Variants in EXOC4 observed in about 807,000 individuals in gnomAD.
EXOC4 encodes the protein exocyst complex component 4.
EXOC4 carries 71 observed loss-of-function variants against 107.2 expected under a neutral mutation model. The ratio of observed to expected loss-of-function variants is 0.66; its 90% CI spans 0.55 to 0.81. The LOEUF (loss-of-function observed/expected upper bound fraction) is 0.81, where lower values mean the gene tolerates loss of function less well. EXOC4 is among the 30% of genes least tolerant of loss of function. The pLI, the probability that EXOC4 is intolerant of heterozygous loss-of-function variation, is 0.00. For synonymous variants in EXOC4, 456 were observed against 441.2 expected (o/e 1.03, Z -0.42); for missense variants, 1,108 against 1,189.6 (o/e 0.93, Z 1.01).
intron 11 of EXOC4, among the ~76,000 whole-genome samples, chr7:133,841,100 G>A (rs1292277895): frequency 1.3e-5 from 2 of 152,086 alleles, no homozygotes; most frequent in African/African-American, 4.8e-5. Flanking sequence ...GTCTGATGAG[G>A]GCCTATATTC....
chr7:133,310,436 TGCTGATGAG>T (rs1794846166), intron 4 of EXOC4, among the ~76,000 whole-genome samples: 3 of 152,216 alleles, frequency 2.0e-5, no homozygotes, highest in African/African-American at 7.2e-5. Context: ...CAAGGTCCTC[TGCTGATGAG>T]AGAAAAAAAA....
chr7:133,296,793 A>T (rs1286998569), intron 3 of EXOC4, among the ~76,000 whole-genome samples: 1 of 152,042 alleles, frequency 6.6e-6, no homozygotes, highest in East Asian at 1.9e-4. Flanking sequence ...AGGTTCAGCA[A>T]TTTCCATTTG....
chr7:133,907,058 C>A (rs1799583429), intron 12 of EXOC4, among the ~76,000 whole-genome samples: 1 of 152,140 alleles, frequency 6.6e-6, no homozygotes, highest in African/African-American at 2.4e-5. Context: ...GAGCAAGGAC[C>A]CCCTGGTAAC....
intron 3 of EXOC4, among the ~76,000 whole-genome samples, chr7:133,294,373 G>T (rs1175279339): frequency 5.3e-5 from 8 of 152,076 alleles, no homozygotes; most frequent in Non-Finnish European, 1.2e-4. Context: ...TCCCATAGAA[G>T]TCAATTCATA....
rs1487572847 is a variant in EXOC4, at chr7:133,550,138, A to C, written c.1417+70000A>C. ...TTCATTAGGTATTAAACAGCCCTAC[A>C]CTGGCAGGGAGAGGTGTTACGTAGG... On this transcript the variant is annotated intron_variant, in intron 9 of 17. Transcript: ENST00000253861. 2.6e-5 allele frequency among the ~76,000 whole-genome samples: 4 copies of C among 152,154 alleles called. No homozygotes were observed. In the East Asian group the frequency reaches 7.7e-4, roughly 29 times the overall value.
chr7:133,323,403 C>T (rs547294029), intron 5 of EXOC4, among the ~76,000 whole-genome samples: 64 of 152,070 alleles, frequency 4.2e-4, no homozygotes, highest in Admixed American at 9.2e-4. Flanking sequence ...CCTAGTTTAT[C>T]GAGAGTTTTT....
At chr7:134,036,412 A>T (rs1026813097) in intron 17 of EXOC4, among the ~76,000 whole-genome samples, 1 of 152,132 alleles carries the variant, frequency 6.6e-6, no homozygotes, top group East Asian at 1.9e-4. Context: ...ATATGAGGAA[A>T]CCCCATCTCT....
chr7:134,100,425 C>T, the EXOC4 span, among the ~76,000 whole-genome samples: 1 of 128,740 alleles, frequency 7.8e-6, no homozygotes, highest in Non-Finnish European at 1.7e-5. Flanking sequence ...TACTTGGTTA[C>T]AGCAGCCCTG....
intron 10 of EXOC4, among the ~76,000 whole-genome samples, chr7:133,700,029 C>G (rs983287413): frequency 6.6e-6 from 1 of 152,112 alleles, no homozygotes; most frequent in Non-Finnish European, 1.5e-5. Context: ...TTATTCAATC[C>G]TATATGCTTT....
At chr7:134,086,871 G>A in the EXOC4 span, among the ~76,000 whole-genome samples, 17 of 152,104 alleles carry the variant, frequency 1.1e-4, no homozygotes, top group African/African-American at 2.7e-4. Context: ...TTCATGCCTC[G>A]CCTTTTTAGA....
rs74373076 is a variant in EXOC4, at chr7:133,942,951, A to G, written c.2206+4882A>G. Among the ~76,000 whole-genome samples the G allele has an allele frequency of 7.0e-3, 1,059 of 152,274 alleles. 7 individuals are homozygous for G. The highest frequency in any genetic ancestry group is 0.024 in the Middle Eastern group (7 of 294). ...AAGTATTTTCTAAGTTAGAAACTCC[A>G]TCTGTCTTGTTATCATGCCGTGTAA... is the stretch of plus-strand genomic sequence containing the variant. On this transcript the variant is annotated intron_variant, in intron 14 of 17. Coordinates refer to ENST00000253861, the MANE Select transcript of EXOC4 (RefSeq NM_021807.4).
chr7:133,274,216 G>C (rs1488488096), intron 1 of EXOC4, among the ~76,000 whole-genome samples: 1 of 152,202 alleles, frequency 6.6e-6, no homozygotes, highest in Non-Finnish European at 1.5e-5. Context: ...TGTTGTAAGA[G>C]ATTTTAGAAT....
chr7:134,010,514 G>C (rs995975414), intron 17 of EXOC4, among the ~76,000 whole-genome samples: 2 of 152,026 alleles, frequency 1.3e-5, no homozygotes, highest in African/African-American at 4.8e-5. Flanking sequence ...GTTTTTGGTA[G>C]GGACAGGTTT....
At chr7:133,754,319 C>T (rs552543598) in intron 10 of EXOC4, among the ~76,000 whole-genome samples, 8 of 152,166 alleles carry the variant, frequency 5.3e-5, no homozygotes, top group Non-Finnish European at 8.8e-5. Context: ...AGTTTAGGTT[C>T]GAATTTGTGG....
At chr7:133,810,342 A>G (rs1009293060) in intron 10 of EXOC4, among the ~76,000 whole-genome samples, 3 of 152,106 alleles carry the variant, frequency 2.0e-5, no homozygotes, top group East Asian at 1.9e-4. Context: ...GTGAAATTTT[A>G]ATTAGTTTAT....
chr7:133,924,100 G>A (rs1231144400), intron 13 of EXOC4, among the ~76,000 whole-genome samples: 1 of 151,910 alleles, frequency 6.6e-6, no homozygotes, highest in African/African-American at 2.4e-5. Context: ...CAGGCCACAA[G>A]GCTCCACTCT....
chr7:133,461,473 CAA>C (rs1798591447), intron 7 of EXOC4, among the ~76,000 whole-genome samples: 1 of 152,128 alleles, frequency 6.6e-6, no homozygotes, highest in Non-Finnish European at 1.5e-5. Flanking sequence ...ATAAGTGTGA[CAA>C]TATTTACATA....
chr7:133,803,853 T>G (rs1290386748), intron 10 of EXOC4, among the ~76,000 whole-genome samples: 9 of 152,170 alleles, frequency 5.9e-5, no homozygotes, highest in African/African-American at 1.9e-4. Context: ...AGTGGACCTA[T>G]TTATGAAATT....
At chr7:133,929,006 C>T (rs1466951690) in intron 13 of EXOC4, among the ~76,000 whole-genome samples, 3 of 143,298 alleles carry the variant, frequency 2.1e-5, no homozygotes. Flanking sequence ...CATCTCGGCT[C>T]ACTGCAACCT....
Sources: allele counts gnomAD v4.1 joint callset (sites outside exome capture counted in the v4.1 genomes callset), GRCh38; gene constraint gnomAD v4.1.1; transcripts MANE v1.5; gene names NCBI Gene and HGNC (gene_info 2026-07-23, HGNC 2026-07-21).